GSAP: variants seen among roughly 807,000 people sequenced by gnomAD.
The protein encoded by GSAP is gamma-secretase-activating protein.
GSAP carries 118 observed loss-of-function variants against 131.7 expected under a neutral mutation model. The ratio of observed to expected loss-of-function variants is 0.90; its 90% CI spans 0.77 to 1.04. The LOEUF (loss-of-function observed/expected upper bound fraction) is 1.04, where lower values mean the gene tolerates loss of function less well. Among genes scored for constraint, GSAP ranks in the 50% least tolerant of loss-of-function variants. The pLI is 0.00. For missense variants in GSAP, 1,019 were observed against 1,013.2 expected, an observed-to-expected ratio of 1.01 and a Z score of -0.08; for synonymous variants, 381 against 363.4, an observed-to-expected ratio of 1.05 and a Z score of -0.55.
At chr7:77,349,247 C>G in intron 19 of GSAP, 104 bp downstream of exon 19, 4 of 879,280 alleles carry the variant, frequency 4.5e-6, no homozygotes, top group Non-Finnish European at 5.7e-6. Context: ...CTTGCCCTCC[C>G]CTCCCCTGCC....
chr7:77,377,525 C>T (rs1584597529), intron 8 of GSAP, 135 bp from the exon 9 acceptor site: 1 of 1,058,656 alleles, frequency 9.4e-7, no homozygotes, highest in East Asian at 2.8e-5. Context: ...CTGTTAGAAG[C>T]TCCCCACCCC....
At chr7:77,411,012 A>G (rs1420307221) in intron 1 of GSAP, among the ~76,000 whole-genome samples, 5 of 151,590 alleles carry the variant, frequency 3.3e-5, no homozygotes, top group African/African-American at 9.7e-5. Flanking sequence ...AAATGAAGTT[A>G]AGAGAGAGAT....
At chr7:77,328,295 A>C (rs1451330760) in intron 22 of GSAP, 1 of 1,125,126 alleles carries the variant, frequency 8.9e-7, no homozygotes, top group Non-Finnish European at 1.1e-6. Flanking sequence ...GCCAAGGGAA[A>C]TGCCAAAATG....
At chr7:77,330,150 T>C (rs532783220) in intron 20 of GSAP, 89 bp downstream of exon 20, 5 of 1,458,986 alleles carry the variant, frequency 3.4e-6, no homozygotes, top group African/African-American at 2.9e-5. Flanking sequence ...GTGCTGCACA[T>C]GGAAGCCAGC....
At chr7:77,326,379 CAT>C (rs1419087766) in intron 22 of GSAP, 106 bp from the exon 23 acceptor site, 3 of 728,718 alleles carry the variant, frequency 4.1e-6, no homozygotes, top group East Asian at 2.6e-5. Flanking sequence ...ATTGAGAAAA[CAT>C]AACACAGGAT....
At chr7:77,357,510 A>T (rs1043645407) in intron 14 of GSAP, among the ~76,000 whole-genome samples, 4 of 152,222 alleles carry the variant, frequency 2.6e-5, no homozygotes, top group African/African-American at 7.2e-5. Context: ...GCCACAAGCC[A>T]AGAAATACTA....
intron 1 of GSAP, among the ~76,000 whole-genome samples, chr7:77,408,820 G>A (rs1802772682): frequency 6.6e-6 from 1 of 151,450 alleles, no homozygotes; most frequent in African/African-American, 2.4e-5. Flanking sequence ...CAAAACATAT[G>A]CAAACTATCT....
intron 23 of GSAP, among the ~76,000 whole-genome samples, chr7:77,325,647 T>C (rs866659266): frequency 1.4e-4 from 22 of 152,368 alleles, no homozygotes; most frequent in African/African-American, 4.8e-4. Context: ...CTTGGTTCAC[T>C]GCAACCTCCA....
chr7:77,315,656 T>C (rs1265622040), intron 26 of GSAP: 1 of 152,236 alleles, frequency 6.6e-6, no homozygotes, highest in Non-Finnish European at 1.5e-5. Flanking sequence ...GGGTAGGCTT[T>C]CAACCATAAT....
At chr7:77,358,511 C>G (rs186853264) in intron 14 of GSAP, among the ~76,000 whole-genome samples, 289 of 152,266 alleles carry the variant, frequency 1.9e-3, no homozygotes, top group African/African-American at 6.6e-3. Context: ...AAAATGGATA[C>G]TTCTTATAAT....
intron 3 of GSAP, among the ~76,000 whole-genome samples, chr7:77,399,496 G>C (rs1232490046): frequency 6.6e-6 from 1 of 152,168 alleles, no homozygotes; most frequent in Non-Finnish European, 1.5e-5. Context: ...TATCCAACCA[G>C]TTTAGGTCAT....
At chr7:77,360,284 G>T (rs1185704212) in intron 14 of GSAP, among the ~76,000 whole-genome samples, 1 of 152,200 alleles carries the variant, frequency 6.6e-6, no homozygotes, top group Non-Finnish European at 1.5e-5. Flanking sequence ...TTTCAGTGGG[G>T]AGGTACAACA....
intron 12 of GSAP, among the ~76,000 whole-genome samples, chr7:77,368,895 T>C (rs1795718186): frequency 6.6e-6 from 1 of 152,190 alleles, no homozygotes; most frequent in Non-Finnish European, 1.5e-5. Flanking sequence ...ATTTACAAGC[T>C]GGGGAAGCAT....
chr7:77,355,234 A>G lies in GSAP; in HGVS notation c.1317T>C (p.Gly439=). ...ALHCALYCGQ[G]AQFLEAQIIQ... ...TCACCTGGGCTTCCAGGAACTGCGC[A>G]CCTTGACCGCAGTAGAGCGCGCAGT... is the stretch of plus-strand genomic sequence containing the variant. Residue 439 remains glycine (G), a synonymous_variant, in exon 16 of 31, where the codon GGT becomes GGC. Coordinates refer to ENST00000257626, the MANE Select transcript of GSAP (RefSeq NM_017439.4). 2 of 1,612,558 alleles carry G rather than the reference A, an allele frequency of 1.2e-6. No individual in the cohort carries two copies. Among genetic ancestry groups the G allele is most frequent in the Non-Finnish European group, 1.7e-6 (2 of 1,178,628 alleles).
In GSAP at chr7:77,374,107, G is replaced by A. The variant is rs1796503884; in HGVS notation, c.834C>T (p.Ser278=). The change falls in exon 12 of 31, where the codon TCC becomes TCT. Residue 278 remains serine, a synonymous_variant. Coordinates refer to ENST00000257626, the MANE Select transcript of GSAP (RefSeq NM_017439.4). ...TAAAAACACACAGAGTCAGGTGTTT[G>A]GAAAATTTATCTCGGTATTGATGAT... ...CDYHQYRDKF[S]KHLTLCVFTN... 1.9e-6 allele frequency: 3 copies of A among 1,592,628 alleles called. No individual in the cohort carries two copies. Among genetic ancestry groups the A allele is most frequent in the African/African-American group, 2.7e-5 (2 of 74,424 alleles).
chr7:77,405,907 C>A, intron 2 of GSAP, 122 bp downstream of exon 2: 2 of 349,488 alleles, frequency 5.7e-6, no homozygotes, highest in Non-Finnish European at 9.8e-6. Context: ...AGATTAAATG[C>A]CAACAAGTTT....
At chr7:77,315,186 T>C (rs1794840183) in intron 26 of GSAP, 1 of 152,166 alleles carries the variant, frequency 6.6e-6, no homozygotes, top group Admixed American at 6.6e-5. Flanking sequence ...AGTGATGGCA[T>C]TTGCGGGGAG....
At chr7:77,386,934 G>T (rs1394047926) in intron 6 of GSAP, among the ~76,000 whole-genome samples, 1 of 152,132 alleles carries the variant, frequency 6.6e-6, no homozygotes, top group Non-Finnish European at 1.5e-5. Flanking sequence ...TGCAAATATG[G>T]AATCTGCAAA....
At chr7:77,346,522 A>T (rs1431606236) in intron 19 of GSAP, among the ~76,000 whole-genome samples, 1 of 149,978 alleles carries the variant, frequency 6.7e-6, no homozygotes, top group Non-Finnish European at 1.5e-5. Context: ...CAACATAGTA[A>T]GACCCTGTCT....
Sources: allele counts gnomAD v4.1 joint callset (sites outside exome capture counted in the v4.1 genomes callset), GRCh38; gene constraint gnomAD v4.1.1; transcripts MANE v1.5; gene names NCBI Gene and HGNC (gene_info 2026-07-23, HGNC 2026-07-21).